The following PLCB1 variants were observed in gnomAD, a reference collection of about 807,000 sequenced individuals.
PLCB1 encodes the protein phospholipase C beta 1.
PLCB1 carries 46 observed loss-of-function variants against 161.8 expected under a neutral mutation model. That is an observed-to-expected ratio of 0.28 (90% CI 0.22 to 0.36). PLCB1 has a LOEUF of 0.36. Ranked by LOEUF, PLCB1 falls within the 10% of genes least tolerant of loss-of-function variation. The pLI, the probability that PLCB1 is intolerant of heterozygous loss-of-function variation, is 1.00. For synonymous variants in PLCB1, 517 were observed against 503.7 expected (o/e 1.03, Z -0.35); for missense variants, 1,016 against 1,472.5 (o/e 0.69, Z 5.07).
At chr20:8,380,349 G>A (rs1987219869) in intron 3 of PLCB1, among the ~76,000 whole-genome samples, 1 of 152,172 alleles carries the variant, frequency 6.6e-6, no homozygotes, top group Non-Finnish European at 1.5e-5. Flanking sequence ...GGTTACTGTA[G>A]TATTGTAGTA....
chr20:8,150,352 A>G lies in PLCB1; in HGVS notation c.158A>G (p.Tyr53Cys). The part of the protein sequence containing the change: ...LRTDPQGFFF[Y>C]WTDQNKETEL... Reference sequence around the variant, plus strand: ...ACTGACCCTCAGGGATTTTTCTTTTACTGGACAGATCAAAACAAGGTAAGA... The same window carrying G: ...ACTGACCCTCAGGGATTTTTCTTTTGCTGGACAGATCAAAACAAGGTAAGA... The change falls in exon 2 of 32, where the codon TAC becomes TGC. Residue 53 changes from tyrosine (Y) to cysteine (C), a missense_variant. Coordinates refer to ENST00000338037, the MANE Select transcript of PLCB1 (RefSeq NM_015192.4). 6.4e-7 allele frequency: 1 copy of G among 1,550,886 alleles called. No homozygotes were observed. Among genetic ancestry groups the G allele is most frequent in the Non-Finnish European group, 8.8e-7 (1 of 1,130,840 alleles).
At chr20:8,364,128 G>GT (rs1568647169) in intron 2 of PLCB1, among the ~76,000 whole-genome samples, 3 of 152,038 alleles carry the variant, frequency 2.0e-5, no homozygotes, top group African/African-American at 4.8e-5. Flanking sequence ...GATTGTCTGG[G>GT]TTTTTTTGGT....
At chr20:8,565,425 G>A (rs777748720) in intron 3 of PLCB1, among the ~76,000 whole-genome samples, 1 of 151,938 alleles carries the variant, frequency 6.6e-6, no homozygotes. Flanking sequence ...ACCATGGCAC[G>A]TGTATACCTA....
At chr20:8,690,392 A>G (rs1216867384) in intron 10 of PLCB1, among the ~76,000 whole-genome samples, 6 of 152,140 alleles carry the variant, frequency 3.9e-5, no homozygotes, top group Non-Finnish European at 2.9e-5. Context: ...GGATTTTTCA[A>G]GGATAGTTAG....
intron 2 of PLCB1, among the ~76,000 whole-genome samples, chr20:8,205,306 T>C (rs530658528): frequency 9.8e-5 from 15 of 152,312 alleles, no homozygotes; most frequent in Non-Finnish European, 1.5e-4. Context: ...GTCTTCTTGA[T>C]ATACATTCTG....
chr20:8,200,070 G>A (rs924011320), intron 2 of PLCB1, among the ~76,000 whole-genome samples: 7 of 151,840 alleles, frequency 4.6e-5, no homozygotes, highest in East Asian at 3.9e-4. Flanking sequence ...TATTTATTCC[G>A]GATATTAATT....
At chr20:8,640,223 G>C (rs1988903852) in intron 4 of PLCB1, among the ~76,000 whole-genome samples, 1 of 152,204 alleles carries the variant, frequency 6.6e-6, no homozygotes, top group East Asian at 1.9e-4. Context: ...TCACTAATCA[G>C]TTTTCAAGTA....
chr20:8,718,160 C>T (rs963168497), intron 14 of PLCB1, among the ~76,000 whole-genome samples: 15 of 151,930 alleles, frequency 9.9e-5, no homozygotes, highest in African/African-American at 3.6e-4. Flanking sequence ...GCAGATGTTG[C>T]AGTAAGACAA....
intron 2 of PLCB1, among the ~76,000 whole-genome samples, chr20:8,206,360 C>T (rs754629734): frequency 6.6e-6 from 1 of 152,036 alleles, no homozygotes; most frequent in Non-Finnish European, 1.5e-5. Context: ...TTATATAGTG[C>T]CCCTCAGTTA....
chr20:8,757,089 G>A lies in PLCB1; in HGVS notation c.2567G>A (p.Arg856Lys). 1.9e-6 allele frequency: 3 copies of A among 1,612,266 alleles called. No homozygotes were observed. Among genetic ancestry groups the A allele is most frequent in the Non-Finnish European group, 2.5e-6 (3 of 1,178,708 alleles). ...ETPSEAPSEA[R>K]TTPAENGVNH... ...CCATCAGAGGCTCCAAGTGAAGCGA[G>A]AACGACTCCAGCAGAAAATGGGGTG... Residue 856 changes from arginine to lysine, a missense_variant, in exon 24 of 32, where the codon AGA (arginine) becomes AAA (lysine). Arg to Lys is a conservative substitution (Grantham distance 26). Transcript: ENST00000338037.
intron 2 of PLCB1, among the ~76,000 whole-genome samples, chr20:8,303,694 C>T (rs1018182994): frequency 6.6e-6 from 1 of 152,202 alleles, no homozygotes; most frequent in Non-Finnish European, 1.5e-5. Flanking sequence ...CAGGCACTTC[C>T]AGGTGGCTGA....
At position 8,146,106 on chromosome 20, in the gene PLCB1, T is replaced by G. The variant is rs902342676; in HGVS notation, c.100-4188T>G. 3.6e-4 allele frequency among the ~76,000 whole-genome samples: 11 copies of G among 30,348 alleles called. No homozygotes were observed. In the African/African-American group the frequency reaches 4.1e-3, roughly 11 times the overall value. The allele number at this position is 30,348 out of a possible 152,430, so 19.9% of individuals were successfully genotyped here. A position where few individuals can be genotyped will look rare whatever the true frequency, so the allele number is the denominator to read the frequency against. Reference sequence around the variant, plus strand: ...CTTCTTACTGTTTTTGTTTTTTTTGTTTTTTTTTTTTTTGGTATAAGGCAC... The same window carrying G: ...CTTCTTACTGTTTTTGTTTTTTTTGGTTTTTTTTTTTTTGGTATAAGGCAC... On this transcript the variant is annotated intron_variant, in intron 1 of 31. Coordinates refer to ENST00000338037, the MANE Select transcript of PLCB1 (RefSeq NM_015192.4).
intron 31 of PLCB1, among the ~76,000 whole-genome samples, chr20:8,803,196 C>G (rs1984364350): frequency 6.6e-6 from 1 of 151,888 alleles, no homozygotes; most frequent in Admixed American, 6.6e-5. Context: ...CTTGGACATC[C>G]TGTTAAACTG....
Position 8,234,408 on chromosome 20 carries a change from C to G in PLCB1, c.177+84037C>G, listed in dbSNP as rs544832065. Among the ~76,000 whole-genome samples the G allele has an allele frequency of 4.5e-4, 68 of 152,170 alleles. 1 individual carries two copies. Among genetic ancestry groups the G allele is most frequent in the African/African-American group, 1.5e-3 (62 of 41,532 alleles). On this transcript the variant is annotated intron_variant, in intron 2 of 31. Coordinates refer to ENST00000338037, the MANE Select transcript of PLCB1 (RefSeq NM_015192.4). ...GTCAAATTTGGTTGTTACTGGTTAG[C>G]TGGGTGCATGAATTTGCAATCCTGT... is the stretch of plus-strand genomic sequence containing the variant.
At chr20:8,282,232 A>T (rs1982908376) in intron 2 of PLCB1, among the ~76,000 whole-genome samples, 1 of 152,192 alleles carries the variant, frequency 6.6e-6, no homozygotes, top group South Asian at 2.1e-4. Flanking sequence ...TTTAGTTTTT[A>T]ATAAAAACAA....
At chr20:8,863,455 G>A (rs1987323695) in intron 31 of PLCB1, among the ~76,000 whole-genome samples, 1 of 152,150 alleles carries the variant, frequency 6.6e-6, no homozygotes, top group Admixed American at 6.5e-5. Flanking sequence ...CACACTTTGG[G>A]ATTCATCAGA....
At chr20:8,203,126 G>C (rs569413667) in intron 2 of PLCB1, among the ~76,000 whole-genome samples, 3 of 152,004 alleles carry the variant, frequency 2.0e-5, no homozygotes, top group African/African-American at 7.2e-5. Flanking sequence ...TACACACACA[G>C]AGGCAGTGGC....
intron 31 of PLCB1, among the ~76,000 whole-genome samples, chr20:8,807,275 G>A (rs1984584538): frequency 6.6e-6 from 1 of 152,084 alleles, no homozygotes; most frequent in African/African-American, 2.4e-5. Flanking sequence ...AGACCACAGG[G>A]TCACTTATAG....
At chr20:8,445,755 T>A (rs1378965164) in intron 3 of PLCB1, among the ~76,000 whole-genome samples, 3 of 151,952 alleles carry the variant, frequency 2.0e-5, no homozygotes, top group Admixed American at 2.0e-4. Flanking sequence ...CTTGAAGAGG[T>A]CCTTCACATC....
Sources: gnomAD v4.1 joint callset for allele counts (sites outside exome capture counted in the v4.1 genomes callset) on GRCh38, gnomAD v4.1.1 for gene constraint, MANE v1.5 for transcripts, NCBI Gene and HGNC (gene_info 2026-07-23, HGNC 2026-07-21) for gene names.